RFWD3: variants seen among roughly 807,000 people sequenced by gnomAD.
The protein encoded by RFWD3 is ring finger and WD repeat domain 3, also known as E3 ubiquitin-protein ligase RFWD3.
A neutral mutation model predicts 87.7 loss-of-function variants in RFWD3; 65 were observed. The observed-to-expected ratio is 0.74, with a 90% confidence interval of 0.61 to 0.91. RFWD3 has a LOEUF of 0.91. RFWD3 is among the 40% of genes least tolerant of loss of function. RFWD3 has a pLI of 0.00. For missense variants in RFWD3, 1,078 were observed against 938.5 expected (o/e 1.15, Z -1.94); for synonymous variants, 433 against 352.8 (o/e 1.23, Z -2.55).
intron 10 of RFWD3, 54 bp downstream of exon 10, chr16:74,630,727 T>A: frequency 6.7e-7 from 1 of 1,485,494 alleles, no homozygotes; most frequent in East Asian, 2.4e-5. Context: ...ATTAACACAA[T>A]AATAAGCCAA....
chr16:74,624,942 T>C (rs1015619799), intron 12 of RFWD3, among the ~76,000 whole-genome samples: 7 of 152,102 alleles, frequency 4.6e-5, no homozygotes, highest in African/African-American at 7.2e-5. Flanking sequence ...TGAACCATGA[T>C]TGCACTACTG....
intron 5 of RFWD3, 40 bp downstream of exon 5, chr16:74,644,501 T>C (rs1959944861): frequency 1.9e-6 from 3 of 1,614,120 alleles, no homozygotes; most frequent in African/African-American, 1.3e-5. Flanking sequence ...GGAATCTGCC[T>C]GACTTAACAT....
intron 1 of RFWD3, among the ~76,000 whole-genome samples, chr16:74,665,670 G>A (rs1427370075): frequency 1.3e-5 from 2 of 152,262 alleles, no homozygotes; most frequent in East Asian, 1.9e-4. Context: ...CGAGGTGGGA[G>A]GATCCCTGGG....
chr16:74,641,928 CAAAAAAAAAA>C (rs71158533), intron 6 of RFWD3, among the ~76,000 whole-genome samples: 1 of 52,474 alleles, frequency 1.9e-5, no homozygotes, highest in Non-Finnish European at 3.2e-5. Context: ...ACTCCGTCTC[CAAAAAAAAAA>C]AAAAAAAAAA....
chr16:74,634,106 T>C (rs1463591285), intron 8 of RFWD3, among the ~76,000 whole-genome samples: 1 of 152,196 alleles, frequency 6.6e-6, no homozygotes, highest in Non-Finnish European at 1.5e-5. Flanking sequence ...CAATTCTACT[T>C]CAATAAAGCT....
chr16:74,653,182 T>G (rs112054128), intron 2 of RFWD3, among the ~76,000 whole-genome samples: 1 of 151,852 alleles, frequency 6.6e-6, no homozygotes, highest in African/African-American at 2.4e-5. Context: ...CTACAAAAAA[T>G]ACACAATATA....
At position 74,637,920 on chromosome 16, in the gene RFWD3, G is replaced by A. The variant is rs1383641308; in HGVS notation, c.1130C>T (p.Ala377Val). 5.6e-6 allele frequency: 9 copies of A among 1,612,576 alleles called. No individual in the cohort carries two copies. Among genetic ancestry groups the A allele is most frequent in the Non-Finnish European group, 6.8e-6 (8 of 1,179,724 alleles). Reference protein sequence around the residue: ...MLRKQAELESAQCRLQLQVLT... With the variant: ...MLRKQAELESVQCRLQLQVLT... The stretch of plus-strand genomic sequence containing the variant: ...GACCTGCAGTTGGAGTCGGCACTGT[G>A]CTGATTCTAACTCGGCCTGTTTCCT... Residue 377 changes from alanine (A) to valine (V), a missense_variant, in exon 7 of 13, where the codon GCA becomes GTA. Coordinates refer to ENST00000361070, the MANE Select transcript of RFWD3 (RefSeq NM_018124.4).
intron 6 of RFWD3, chr16:74,643,879 G>T (rs181382082): frequency 2.3e-5 from 4 of 171,726 alleles, no homozygotes; most frequent in Non-Finnish European, 5.1e-5. Context: ...GGGTTTCACC[G>T]TGTTAGCCAG....
In RFWD3 at chr16:74,636,588, A is replaced by G. The variant is rs746377038; in HGVS notation, c.1195-11T>C. ...AAGTTTTTGCAAGTCCTAAAATGAA[A>G]AAGATTTTATAAATACAAAGCTTTT... On this transcript the variant is annotated splice_polypyrimidine_tract_variant and intron_variant, in intron 7 of 12. Transcript: ENST00000361070. 3.2e-6 allele frequency: 5 copies of G among 1,586,208 alleles called. No homozygotes were observed. Among genetic ancestry groups the G allele is most frequent in the East Asian group, 2.2e-5 (1 of 44,680 alleles).
At chr16:74,664,198 G>A (rs1437451240) in intron 1 of RFWD3, 1 of 152,172 alleles carries the variant, frequency 6.6e-6, no homozygotes, top group East Asian at 1.9e-4. Flanking sequence ...CAACCCTTCT[G>A]CCTCAGCCTC....
At chr16:74,661,776 T>C (rs1022402354) in intron 1 of RFWD3, among the ~76,000 whole-genome samples, 4 of 152,316 alleles carry the variant, frequency 2.6e-5, no homozygotes, top group African/African-American at 4.8e-5. Context: ...CTCAGACACT[T>C]TGCAGTTCTC....
chr16:74,637,501 C>T (rs111459164), intron 7 of RFWD3, among the ~76,000 whole-genome samples: 4,935 of 152,008 alleles, frequency 0.032, 182 homozygotes, highest in African/African-American at 0.089. Flanking sequence ...GTGGTGGGCT[C>T]CTGTAATCCC....
In RFWD3 at chr16:74,643,669, G is replaced by GCTTTTTTTTTTTTTTTTTTTTTTT. The variant is rs56803461; in HGVS notation, c.1079+692_1079+693insAAAAAAAAAAAAAAAAAAAAAAAG. Reference sequence around the variant, plus strand: ...ATACTGAGTGGTGTTACTAGCAACTGTTTTTTTTTTTTTTTTTTTTTTTTG... The same window carrying GCTTTTTTTTTTTTTTTTTTTTTTT: ...ATACTGAGTGGTGTTACTAGCAACTGCTTTTTTTTTTTTTTTTTTTTTTTTTTTTTTTTTTTTTTTTTTTTTTTG... On this transcript the variant is annotated intron_variant, in intron 6 of 12. Transcript: ENST00000361070. Among the ~76,000 whole-genome samples, 22 of 105,054 alleles carry GCTTTTTTTTTTTTTTTTTTTTTTT rather than the reference G, an allele frequency of 2.1e-4. 11 individuals carry two copies. Among genetic ancestry groups the GCTTTTTTTTTTTTTTTTTTTTTTT allele is most frequent in the African/African-American group, 2.3e-4 (6 of 25,568 alleles). The allele number at this position is 105,054 out of a possible 152,430, so 68.9% of individuals were successfully genotyped here.
chr16:74,637,118 C>A (rs749041723), intron 7 of RFWD3, among the ~76,000 whole-genome samples: 3 of 91,470 alleles, frequency 3.3e-5, no homozygotes, highest in Non-Finnish European at 6.0e-5. Context: ...CGTTTAAAGT[C>A]CTTTAAAAAA....
intron 4 of RFWD3, among the ~76,000 whole-genome samples, chr16:74,648,437 A>G (rs937560163): frequency 6.7e-6 from 1 of 149,132 alleles, no homozygotes; most frequent in Admixed American, 6.7e-5. Context: ...TTACAGGTGT[A>G]AGCCACCGTG....
rs779137738 is a variant in RFWD3, at chr16:74,649,195, T to C, written c.729A>G (p.Leu243=). ...ESGAVILEEQ[L]AGVSAEQEVT... ...CTTCTTGCTCTGCTGAGACACCTGC[T>C]AGTTGCTCTGCCAAGTCATTTCCAG... Residue 243 remains leucine (L), a synonymous_variant, in exon 4 of 13, where the codon CTA becomes CTG. Transcript: ENST00000361070. 6.4e-7 allele frequency: 1 copy of C among 1,560,570 alleles called. No homozygotes were observed. Among genetic ancestry groups the C allele is most frequent in the South Asian group, 1.2e-5 (1 of 82,566 alleles).
At chr16:74,662,520 G>T (rs1405449737) in intron 1 of RFWD3, among the ~76,000 whole-genome samples, 8 of 152,160 alleles carry the variant, frequency 5.3e-5, no homozygotes, top group African/African-American at 1.7e-4. Context: ...TTGGGGTTGA[G>T]GAGACAAAGA....
intron 4 of RFWD3, among the ~76,000 whole-genome samples, chr16:74,646,925 C>G (rs1597440986): frequency 1.2e-5 from 1 of 82,154 alleles, no homozygotes; most frequent in African/African-American, 6.2e-5. Context: ...ACAACAACAA[C>G]AACAACAACA....
chr16:74,643,667 C>G (rs1468367033), intron 6 of RFWD3, among the ~76,000 whole-genome samples: 1 of 38,596 alleles, frequency 2.6e-5, no homozygotes, highest in Admixed American at 2.6e-4. Flanking sequence ...TTACTAGCAA[C>G]TGTTTTTTTT....
Sources: gnomAD v4.1 joint callset for allele counts (sites outside exome capture counted in the v4.1 genomes callset) on GRCh38, gnomAD v4.1.1 for gene constraint, MANE v1.5 for transcripts, NCBI Gene and HGNC (gene_info 2026-07-23, HGNC 2026-07-21) for gene names.